The following ERG variants were observed in gnomAD, a reference collection of about 807,000 sequenced individuals.
ERG encodes the protein ETS transcription factor ERG, also known as transcriptional regulator ERG.
ERG carries 9 observed loss-of-function variants against 55.3 expected under a neutral mutation model. That is an observed-to-expected ratio of 0.16 (90% CI 0.10 to 0.28). ERG has a LOEUF of 0.28. ERG is among the 10% of genes least tolerant of loss of function. The pLI, the probability that ERG is intolerant of heterozygous loss-of-function variation, is 1.00. For missense variants in ERG, 434 were observed against 631.6 expected, an observed-to-expected ratio of 0.69 and a Z score of 3.35; for synonymous variants, 223 against 237.3, an observed-to-expected ratio of 0.94 and a Z score of 0.55.
At chr21:38,506,690 G>A (rs2059463386) in intron 2 of ERG, among the ~76,000 whole-genome samples, 1 of 152,090 alleles carries the variant, frequency 6.6e-6, no homozygotes, top group Admixed American at 6.6e-5. Context: ...AATATCTGCA[G>A]TATTTCCTTT....
intron 2 of ERG, among the ~76,000 whole-genome samples, chr21:38,440,483 C>T (rs1052979929): frequency 1.9e-4 from 29 of 152,278 alleles, no homozygotes; most frequent in Non-Finnish European, 4.3e-4. Context: ...GAGTGAATCA[C>T]GCCCATGTTC....
intron 2 of ERG, among the ~76,000 whole-genome samples, chr21:38,511,777 T>C (rs1463631542): frequency 6.6e-6 from 1 of 152,002 alleles, no homozygotes; most frequent in East Asian, 1.9e-4. Context: ...ACATTTTGGG[T>C]TGGTTAATTA....
intron 3 of ERG, among the ~76,000 whole-genome samples, chr21:38,420,676 A>T (rs1341338457): frequency 6.6e-6 from 1 of 152,148 alleles, no homozygotes; most frequent in East Asian, 1.9e-4. Flanking sequence ...TTATTTTCTA[A>T]ATACTTTCCT....
chr21:38,608,528 C>T (rs529037664), intron 1 of ERG, among the ~76,000 whole-genome samples: 56 of 152,216 alleles, frequency 3.7e-4, no homozygotes, highest in African/African-American at 1.3e-3. Flanking sequence ...GAGAGGTTGT[C>T]GCTCTCACCT....
At position 38,493,960 on chromosome 21, in the gene ERG, C is replaced by T. The variant is rs548697145; in HGVS notation, c.18+4403G>A. Among the ~76,000 whole-genome samples, 115 of 152,262 alleles carry T rather than the reference C, an allele frequency of 7.6e-4. No homozygotes were observed. The Middle Eastern group carries it at 0.044, about 59-fold the overall frequency. On this transcript the variant is annotated intron_variant, in intron 1 of 9. Transcript: ENST00000288319. ...TGAGTGCAGAGCCTGAAAGACAATA[C>T]GGTAGAAAAGGTTACATCCGCGGGG...
intron 2 of ERG, among the ~76,000 whole-genome samples, chr21:38,560,016 T>C (rs1193861007): frequency 3.9e-5 from 6 of 152,220 alleles, no homozygotes; most frequent in African/African-American, 1.4e-4. Context: ...TTTCCCATCA[T>C]GGTGGCACTT....
chr21:38,553,500 A>C (rs1345807334), intron 2 of ERG, among the ~76,000 whole-genome samples: 2 of 152,170 alleles, frequency 1.3e-5, no homozygotes, highest in Non-Finnish European at 2.9e-5. Context: ...AAACCAATGG[A>C]CTAGATTAGA....
At chr21:38,568,304 C>T (rs560916591) in intron 2 of ERG, among the ~76,000 whole-genome samples, 18 of 152,110 alleles carry the variant, frequency 1.2e-4, no homozygotes, top group Non-Finnish European at 1.2e-4. Flanking sequence ...ATTGACAATA[C>T]GTAATGTGAT....
intron 1 of ERG, among the ~76,000 whole-genome samples, chr21:38,582,015 C>G (rs2060032065): frequency 7.0e-6 from 1 of 142,236 alleles, no homozygotes; most frequent in Non-Finnish European, 1.5e-5. Flanking sequence ...TGCACTCCAG[C>G]CTGGGCAACA....
intron 2 of ERG, among the ~76,000 whole-genome samples, chr21:38,542,395 G>A (rs952586135): frequency 1.3e-5 from 2 of 152,154 alleles, no homozygotes; most frequent in Non-Finnish European, 2.9e-5. Flanking sequence ...ATTTTCCACT[G>A]GCTTGTTTAT....
Position 38,381,881 on chromosome 21 carries a change from G to A in ERG, c.*1522C>T. Reference sequence around the variant, plus strand: ...ACCTGGAGAGGCTGACGCCATTTGGGTGCCAAACATCCTATTTCCTTGGCT... The same window carrying A: ...ACCTGGAGAGGCTGACGCCATTTGGATGCCAAACATCCTATTTCCTTGGCT... On this transcript the variant is annotated 3_prime_UTR_variant, in exon 10 of 10. Transcript: ENST00000288319. 2.8e-6 allele frequency: 3 copies of A among 1,063,568 alleles called. No homozygotes were observed. Among genetic ancestry groups the A allele is most frequent in the Non-Finnish European group, 3.4e-6 (3 of 878,178 alleles). 65.9% of individuals were successfully genotyped at this position (1,063,568 alleles called of 1,614,324 possible).
chr21:38,407,927 CCT>C (rs1019015104), intron 3 of ERG, among the ~76,000 whole-genome samples: 3 of 147,642 alleles, frequency 2.0e-5, no homozygotes, highest in African/African-American at 7.4e-5. Flanking sequence ...ATATATACTA[CCT>C]ATATATAGTA....
At chr21:38,503,020 C>T (rs544642389), upstream of ERG, among the ~76,000 whole-genome samples, 18 of 152,002 alleles carry the variant, frequency 1.2e-4, no homozygotes, top group Non-Finnish European at 2.5e-4. Context: ...CCACCACGCC[C>T]GGCCAATAAC....
At chr21:38,436,340 T>C (rs2058789991) in intron 2 of ERG, among the ~76,000 whole-genome samples, 1 of 152,194 alleles carries the variant, frequency 6.6e-6, no homozygotes, top group East Asian at 1.9e-4. Flanking sequence ...TAAAGTAAGA[T>C]AGTAATAAAT....
At chr21:38,488,574 G>A (rs780466759) in intron 1 of ERG, among the ~76,000 whole-genome samples, 4 of 152,106 alleles carry the variant, frequency 2.6e-5, no homozygotes, top group African/African-American at 7.2e-5. Context: ...CAATGCATTC[G>A]TTGGAATTTA....
chr21:38,511,875 C>A (rs2059514543), intron 2 of ERG, among the ~76,000 whole-genome samples: 2 of 152,176 alleles, frequency 1.3e-5, no homozygotes, highest in Admixed American at 1.3e-4. Context: ...ACCTCGCAGA[C>A]TCCAATTATG....
chr21:38,560,247 C>T (rs553334640), intron 2 of ERG, among the ~76,000 whole-genome samples: 1 of 152,184 alleles, frequency 6.6e-6, no homozygotes, highest in East Asian at 1.9e-4. Flanking sequence ...CAGAAGGAAC[C>T]AGCTACATCC....
intron 1 of ERG, among the ~76,000 whole-genome samples, chr21:38,465,453 T>G (rs1473807910): frequency 6.6e-6 from 1 of 152,178 alleles, no homozygotes; most frequent in Non-Finnish European, 1.5e-5. Context: ...AGTGAAACTA[T>G]TCCGTATAAT....
chr21:38,418,799 C>T (rs917017072), intron 3 of ERG, among the ~76,000 whole-genome samples: 8 of 151,398 alleles, frequency 5.3e-5, no homozygotes, highest in South Asian at 2.1e-4. Context: ...TGGTGGCGGG[C>T]GCCTGTAATC....
Sources: gnomAD v4.1 joint callset for allele counts (sites outside exome capture counted in the v4.1 genomes callset) on GRCh38, gnomAD v4.1.1 for gene constraint, MANE v1.5 for transcripts, NCBI Gene and HGNC (gene_info 2026-07-23, HGNC 2026-07-21) for gene names.